SEMA6D: variants seen among roughly 807,000 people sequenced by gnomAD.
SEMA6D encodes the protein semaphorin-6D.
SEMA6D carries 35 observed loss-of-function variants against 106.6 expected under a neutral mutation model. The observed-to-expected ratio is 0.33, with a 90% CI of 0.25 to 0.44. SEMA6D has a LOEUF of 0.44. Among genes scored for constraint, SEMA6D ranks in the 20% least tolerant of loss-of-function variants. SEMA6D has a pLI of 1.00. For synonymous variants in SEMA6D, 499 were observed against 487.7 expected (o/e 1.02, Z -0.31); for missense variants, 1,185 against 1,345.9 (o/e 0.88, Z 1.87).
intron 1 of SEMA6D, chr15:47,396,881 T>G (rs911157080): frequency 1.1e-4 from 16 of 152,204 alleles, no homozygotes; most frequent in Non-Finnish European, 1.9e-4. Flanking sequence ...GCCGGCATAT[T>G]AAAGGTACTA....
At chr15:47,577,925 G>A (rs4503733) in intron 3 of SEMA6D, among the ~76,000 whole-genome samples, 150,843 of 152,358 alleles carry the variant, frequency 0.99, 74,686 homozygotes, top group Middle Eastern at 1. Flanking sequence ...AGAAAATGTA[G>A]GTGCCAGACA....
At chr15:47,345,040 A>G (rs2144619735) in intron 1 of SEMA6D, among the ~76,000 whole-genome samples, 1 of 152,298 alleles carries the variant, frequency 6.6e-6, no homozygotes, top group East Asian at 1.9e-4. Context: ...GTTGGCTGAT[A>G]AAAACTACAA....
intron 2 of SEMA6D, among the ~76,000 whole-genome samples, chr15:47,433,715 GAT>G (rs1170884428): frequency 6.6e-6 from 1 of 152,112 alleles, no homozygotes; most frequent in Non-Finnish European, 1.5e-5. Flanking sequence ...GAGTATGGGA[GAT>G]ACCTGATTTA....
At chr15:47,505,255 A>G (rs139234160) in intron 3 of SEMA6D, among the ~76,000 whole-genome samples, 1 of 152,320 alleles carries the variant, frequency 6.6e-6, no homozygotes, top group African/African-American at 2.4e-5. Flanking sequence ...CTCTGCCAGC[A>G]GTAAGCTGTA....
intron 1 of SEMA6D, among the ~76,000 whole-genome samples, chr15:47,326,494 C>T (rs1306100958): frequency 1.3e-5 from 2 of 152,216 alleles, no homozygotes; most frequent in African/African-American, 4.8e-5. Context: ...ATGTGAAGCA[C>T]ATCTTTCTCT....
At chr15:47,345,317 T>C (rs756686982) in intron 1 of SEMA6D, among the ~76,000 whole-genome samples, 2 of 152,126 alleles carry the variant, frequency 1.3e-5, no homozygotes, top group Admixed American at 6.5e-5. Context: ...TTGTAAGGCT[T>C]ATTATAAAGC....
intron 2 of SEMA6D, among the ~76,000 whole-genome samples, chr15:47,415,601 C>G (rs1214450280): frequency 2.0e-5 from 3 of 152,058 alleles, no homozygotes; most frequent in Non-Finnish European, 2.9e-5. Context: ...AGCTATTGAC[C>G]CACAGCCCTC....
chr15:47,711,346 T>C (rs1301840313), intron 4 of SEMA6D, among the ~76,000 whole-genome samples: 2 of 150,082 alleles, frequency 1.3e-5, no homozygotes, highest in Non-Finnish European at 3.0e-5. Flanking sequence ...TAGGCGTGAA[T>C]TATTTTTACT....
chr15:47,635,776 T>G (rs2077376383), intron 4 of SEMA6D, among the ~76,000 whole-genome samples: 1 of 152,048 alleles, frequency 6.6e-6, no homozygotes, highest in Non-Finnish European at 1.5e-5. Flanking sequence ...CACCCAAATG[T>G]GTGATCACAG....
At chr15:47,512,038 G>A (rs568636689) in intron 3 of SEMA6D, among the ~76,000 whole-genome samples, 2 of 152,284 alleles carry the variant, frequency 1.3e-5, no homozygotes, top group African/African-American at 2.4e-5. Flanking sequence ...ATCTGACCCT[G>A]ATTTTAGGTT....
In SEMA6D at chr15:47,287,305, A is replaced by T. The variant is rs565105832; in HGVS notation, c.-239+102887A>T. Among the ~76,000 whole-genome samples the T allele has an allele frequency of 8.5e-5, 13 of 152,346 alleles. No individual in the cohort carries two copies. The South Asian group carries it at 2.3e-3, about 27-fold the overall frequency. On this transcript the variant is annotated intron_variant, in intron 1 of 19. Coordinates refer to the SEMA6D transcript ENST00000558014. ...TTGTTAGGCTAAGGCAATGGTATGT[A>T]GTGGCTGATTAGTTACTGCAGCATA...
rs868499510 is a variant in SEMA6D at position 47,770,589 on chromosome 15, G to A, written c.2026G>A (p.Ala676Thr). The stretch of plus-strand genomic sequence containing the variant: ...TGTCTTTGCTGCTTTTGTTTTGGGG[G>A]CATTCATTGCAGGTGTGGCAGTATA... Reference protein sequence around the residue: ...TCVFAAFVLGAFIAGVAVYCY... With the variant: ...TCVFAAFVLGTFIAGVAVYCY... The change falls in exon 19 of 19, where the codon GCA (alanine) becomes ACA (threonine). Residue 676 changes from alanine (A) to threonine (T), a missense_variant. Ala to Thr is a moderately conservative substitution (Grantham distance 58). Coordinates refer to ENST00000536845, the MANE Select transcript of SEMA6D (RefSeq NM_001358351.3). The A allele has an allele frequency of 1.2e-6, 2 of 1,613,886 alleles. No individual in the cohort carries two copies. Among genetic ancestry groups the A allele is most frequent in the African/African-American group, 1.3e-5 (1 of 74,908 alleles).
At chr15:47,270,033 C>T (rs1010523855) in intron 1 of SEMA6D, among the ~76,000 whole-genome samples, 8 of 150,952 alleles carry the variant, frequency 5.3e-5, no homozygotes, top group African/African-American at 9.7e-5. Context: ...CTCTCAGATA[C>T]GTTTCATAGT....
chr15:47,233,188 G>A (rs1289768008), intron 1 of SEMA6D, among the ~76,000 whole-genome samples: 1 of 151,888 alleles, frequency 6.6e-6, no homozygotes, highest in Non-Finnish European at 1.5e-5. Context: ...AGCACCATTT[G>A]TTGAAAAGAC....
chr15:47,355,031 C>G (rs1287649476), intron 1 of SEMA6D, among the ~76,000 whole-genome samples: 1 of 152,106 alleles, frequency 6.6e-6, no homozygotes, highest in African/African-American at 2.4e-5. Context: ...TTAAAGATGG[C>G]AGTGCTTTAG....
chr15:47,762,458 A>T, intron 8 of SEMA6D, 139 bp downstream of exon 8: 1 of 959,190 alleles, frequency 1.0e-6, no homozygotes, highest in South Asian at 1.8e-5. Context: ...TTTGATTGTG[A>T]ACAGGAGCAT....
chr15:47,200,134 A>T (rs2141060108), intron 1 of SEMA6D, among the ~76,000 whole-genome samples: 1 of 152,258 alleles, frequency 6.6e-6, no homozygotes, highest in African/African-American at 2.4e-5. Flanking sequence ...ACAAAGGAAC[A>T]CTGAAGATTA....
intron 1 of SEMA6D, among the ~76,000 whole-genome samples, chr15:47,383,790 C>T (rs1213999017): frequency 6.6e-6 from 1 of 152,174 alleles, no homozygotes; most frequent in Non-Finnish European, 1.5e-5. Context: ...AAGACTGGCA[C>T]TCAGACTCTG....
intron 3 of SEMA6D, among the ~76,000 whole-genome samples, chr15:47,587,793 T>C (rs1301360111): frequency 4.5e-4 from 1 of 2,214 alleles, no homozygotes; most frequent in Non-Finnish European, 9.6e-3. Flanking sequence ...TTTTTCTTTC[T>C]TTTTTTTTTT....
Sources: allele counts gnomAD v4.1 joint callset (sites outside exome capture counted in the v4.1 genomes callset), GRCh38; gene constraint gnomAD v4.1.1; transcripts MANE v1.5; gene names NCBI Gene and HGNC (gene_info 2026-07-23, HGNC 2026-07-21).